The following MAF variants were observed in gnomAD, a reference collection of about 807,000 sequenced individuals.
MAF encodes transcription factor Maf.
Under a neutral mutation model 22.0 loss-of-function variants are expected in MAF, and 10 were observed. That is an observed-to-expected ratio of 0.45 (90% CI 0.28 to 0.77). The LOEUF (loss-of-function observed/expected upper bound fraction) is 0.77. Ranked by LOEUF, MAF falls within the 30% of genes least tolerant of loss-of-function variation. The pLI, the probability that MAF is intolerant of heterozygous loss-of-function variation, is 0.12. For synonymous variants in MAF, 337 were observed against 255.8 expected (o/e 1.32, Z -3.03); for missense variants, 544 against 548.4 (o/e 0.99, Z 0.08).
the MAF span, among the ~76,000 whole-genome samples, chr16:79,458,295 A>T: frequency 1.8e-4 from 27 of 152,196 alleles, no homozygotes; most frequent in East Asian, 5.0e-3. Context: ...CAGTCCTGAG[A>T]AGGCATGTGT....
the MAF span, among the ~76,000 whole-genome samples, chr16:79,568,356 T>A: frequency 6.6e-6 from 1 of 152,160 alleles, no homozygotes; most frequent in Non-Finnish European, 1.5e-5. Flanking sequence ...GGTGTTGGAA[T>A]CAGACAGACC....
chr16:79,298,949 A>G, the MAF span, among the ~76,000 whole-genome samples: 3 of 152,378 alleles, frequency 2.0e-5, no homozygotes, highest in Middle Eastern at 3.4e-3. Context: ...CGATCCTCTC[A>G]GCCCCCTGAG....
chr16:79,512,113 T>G, the MAF span, among the ~76,000 whole-genome samples: 8 of 152,334 alleles, frequency 5.3e-5, 1 homozygote, highest in South Asian at 4.1e-4. Flanking sequence ...ACAGCCTGCT[T>G]CATAATCCCA....
the MAF span, among the ~76,000 whole-genome samples, chr16:79,572,964 G>C: frequency 6.6e-6 from 1 of 152,196 alleles, no homozygotes; most frequent in African/African-American, 2.4e-5. Flanking sequence ...GGTGTATGGA[G>C]ACTGCCAATC....
At chr16:79,225,139 G>A in the MAF span, among the ~76,000 whole-genome samples, 1 of 152,162 alleles carries the variant, frequency 6.6e-6, no homozygotes, top group African/African-American at 2.4e-5. Context: ...TAACTAAAAA[G>A]CATGGTACTG....
chr16:79,354,531 G>C, the MAF span, among the ~76,000 whole-genome samples: 1 of 152,162 alleles, frequency 6.6e-6, no homozygotes, highest in African/African-American at 2.4e-5. Flanking sequence ...TTGAAGGATG[G>C]AAAGCACTGA....
At chr16:79,385,062 T>C in the MAF span, among the ~76,000 whole-genome samples, 1 of 152,212 alleles carries the variant, frequency 6.6e-6, no homozygotes, top group African/African-American at 2.4e-5. Context: ...GGTTGGAGAA[T>C]TTTGCATGTA....
chr16:79,409,616 G>T, the MAF span, among the ~76,000 whole-genome samples: 1 of 152,180 alleles, frequency 6.6e-6, no homozygotes, highest in African/African-American at 2.4e-5. Context: ...ATAACCCTCA[G>T]CCAAACCCAG....
the MAF span, among the ~76,000 whole-genome samples, chr16:79,447,915 G>GAAAA: frequency 4.2e-5 from 3 of 71,668 alleles, no homozygotes; most frequent in South Asian, 9.1e-4. Flanking sequence ...AAAAAGAAAA[G>GAAAA]AAAAAGAAAA....
At chr16:79,593,238 A>T (rs534253091), downstream of MAF, among the ~76,000 whole-genome samples, 6 of 152,318 alleles carry the variant, frequency 3.9e-5, no homozygotes, top group African/African-American at 1.4e-4. Flanking sequence ...AACGAAAACA[A>T]CGGCCACAGC....
At chr16:79,278,716 G>C in the MAF span, among the ~76,000 whole-genome samples, 2 of 152,068 alleles carry the variant, frequency 1.3e-5, no homozygotes, top group Non-Finnish European at 2.9e-5. Context: ...CTCTCGGTGT[G>C]ATTTGCGTAG....
At chr16:79,373,209 C>T in the MAF span, among the ~76,000 whole-genome samples, 4 of 151,998 alleles carry the variant, frequency 2.6e-5, no homozygotes, top group Non-Finnish European at 5.9e-5. Context: ...TGTTTGTCCT[C>T]TCCAAAACTC....
chr16:79,561,802 G>A, the MAF span, among the ~76,000 whole-genome samples: 1 of 152,146 alleles, frequency 6.6e-6, no homozygotes, highest in Non-Finnish European at 1.5e-5. Flanking sequence ...GAGAGGAGAC[G>A]GTGTGTTTGG....
At chr16:79,583,626 A>G (rs1035755249), downstream of MAF, among the ~76,000 whole-genome samples, 9 of 152,248 alleles carry the variant, frequency 5.9e-5, no homozygotes, top group African/African-American at 2.2e-4. Flanking sequence ...TCGGTCTTTC[A>G]GCGCATAACA....
At chr16:79,582,773 C>T (rs770214822), downstream of MAF, among the ~76,000 whole-genome samples, 1 of 152,188 alleles carries the variant, frequency 6.6e-6, no homozygotes, top group South Asian at 2.1e-4. Flanking sequence ...ACATACTCGT[C>T]GAATTTGGGA....
the MAF span, among the ~76,000 whole-genome samples, chr16:79,549,393 G>A: frequency 6.9e-4 from 105 of 152,174 alleles, no homozygotes; most frequent in African/African-American, 2.4e-3. Flanking sequence ...ACACCCTGCA[G>A]CACAGCCACT....
At chr16:79,366,904 G>C in the MAF span, among the ~76,000 whole-genome samples, 1 of 152,176 alleles carries the variant, frequency 6.6e-6, no homozygotes, top group South Asian at 2.1e-4. Context: ...ATGAAATCAT[G>C]TATCAAAGAC....
At chr16:79,270,703 C>G in the MAF span, among the ~76,000 whole-genome samples, 3 of 152,080 alleles carry the variant, frequency 2.0e-5, no homozygotes, top group Non-Finnish European at 2.9e-5. Flanking sequence ...GGAGAAAGCT[C>G]CCACTGGCCC....
the MAF span, among the ~76,000 whole-genome samples, chr16:79,261,762 T>C: frequency 4.6e-5 from 7 of 151,872 alleles, no homozygotes; most frequent in Non-Finnish European, 8.8e-5. Context: ...GATGGGAAAA[T>C]GATGAGGGCA....
Sources: gnomAD v4.1 joint callset for allele counts (sites outside exome capture counted in the v4.1 genomes callset) on GRCh38, gnomAD v4.1.1 for gene constraint, MANE v1.5 for transcripts, NCBI Gene and HGNC (gene_info 2026-07-23, HGNC 2026-07-21) for gene names.